The following HNMT variants were observed in gnomAD, a reference collection of about 807,000 sequenced individuals.
HNMT encodes the protein histamine N-methyltransferase.
In HNMT, 30 loss-of-function variants were observed where a neutral mutation model predicts 32.1. The ratio of observed to expected loss-of-function variants is 0.93; its 90% confidence interval spans 0.70 to 1.27. The LOEUF (loss-of-function observed/expected upper bound fraction) is 1.27, where lower values mean the gene tolerates loss of function less well. HNMT is among the 50% of genes most tolerant of loss of function. The probability of loss-of-function intolerance (pLI) is 0.00; values close to 1 mark genes in which losing one functional copy is unlikely to be tolerated. For synonymous variants in HNMT, 125 were observed against 119.0 expected (o/e 1.05, Z -0.33); for missense variants, 327 against 346.0 (o/e 0.95, Z 0.43).
At chr2:137,987,804 G>T (rs141095014) in intron 2 of HNMT, among the ~76,000 whole-genome samples, 29 of 152,170 alleles carry the variant, frequency 1.9e-4, no homozygotes, top group Non-Finnish European at 3.8e-4. Context: ...TCATATAAAT[G>T]AAGAAGAGCA....
chr2:138,009,461 C>G (rs1351271951), intron 5 of HNMT, among the ~76,000 whole-genome samples: 1 of 152,010 alleles, frequency 6.6e-6, no homozygotes, highest in Non-Finnish European at 1.5e-5. Context: ...ATGAACTTGT[C>G]TTAACAACAA....
chr2:137,970,912 T>C (rs1434513942), intron 2 of HNMT, among the ~76,000 whole-genome samples: 3 of 90,910 alleles, frequency 3.3e-5, no homozygotes, highest in Non-Finnish European at 6.0e-5. Flanking sequence ...AGAGCGAGAC[T>C]ACGTCTCAAA....
intron 2 of HNMT, among the ~76,000 whole-genome samples, chr2:137,997,078 C>T (rs984081342): frequency 1.3e-5 from 2 of 151,966 alleles, no homozygotes; most frequent in Non-Finnish European, 2.9e-5. Flanking sequence ...CCCTAGAAGA[C>T]AACCTAGGCA....
At chr2:137,981,241 G>T in intron 2 of HNMT, 2 of 1,613,432 alleles carry the variant, frequency 1.2e-6, no homozygotes, top group Non-Finnish European at 1.7e-6. Context: ...GAAGCTCCAG[G>T]GTTCTCAAGC....
rs1242716972 is a variant in HNMT at position 138,013,892 on chromosome 2, A to C, written c.641A>C (p.Lys214Thr). The stretch of plus-strand genomic sequence containing the variant: ...CAGATGCTGGACAACCTAGGGCTTA[A>C]GTATGAGTGCTATGACCTTTTGTCC... Reference protein sequence around the residue: ...LTQMLDNLGLKYECYDLLSTM... With the variant: ...LTQMLDNLGLTYECYDLLSTM... The change falls in exon 6 of 6, where the codon AAG becomes ACG. Residue 214 changes from lysine to threonine, a missense_variant. By Grantham distance (78) the Lys-to-Thr change is moderately conservative (BLOSUM62 -1). Coordinates refer to ENST00000280097, the MANE Select transcript of HNMT (RefSeq NM_006895.3). The C allele has an allele frequency of 6.2e-7, 1 of 1,613,818 alleles. No homozygotes were observed. Among genetic ancestry groups the C allele is most frequent in the Admixed American group, 1.7e-5 (1 of 59,954 alleles).
intron 1 of HNMT, among the ~76,000 whole-genome samples, chr2:137,964,869 A>G (rs767519738): frequency 6.6e-6 from 1 of 152,158 alleles, no homozygotes; most frequent in Non-Finnish European, 1.5e-5. Flanking sequence ...CTGCATAGAG[A>G]TAAGCGTTAA....
chr2:137,984,873 G>T (rs932063816), intron 2 of HNMT, among the ~76,000 whole-genome samples: 1 of 152,080 alleles, frequency 6.6e-6, no homozygotes, highest in Admixed American at 6.5e-5. Context: ...ATGAGTTCAG[G>T]AGAGATTTAA....
intron 2 of HNMT, among the ~76,000 whole-genome samples, chr2:137,986,412 G>C (rs1448923789): frequency 6.6e-6 from 1 of 152,150 alleles, no homozygotes; most frequent in Non-Finnish European, 1.5e-5. Context: ...AGGCCTGAAG[G>C]CTTGAGACTC....
At chr2:138,011,479 C>A (rs1681502354) in intron 5 of HNMT, among the ~76,000 whole-genome samples, 1 of 152,094 alleles carries the variant, frequency 6.6e-6, no homozygotes, top group South Asian at 2.1e-4. Context: ...CATCAATTAT[C>A]CTAGGCTATT....
intron 2 of HNMT, among the ~76,000 whole-genome samples, chr2:137,987,843 T>C (rs1490589576): frequency 6.6e-6 from 1 of 152,084 alleles, no homozygotes; most frequent in Non-Finnish European, 1.5e-5. Flanking sequence ...GACAAGTGTG[T>C]TTTATCTGTG....
At chr2:137,985,626 AT>A (rs1680630745) in intron 2 of HNMT, among the ~76,000 whole-genome samples, 2 of 152,120 alleles carry the variant, frequency 1.3e-5, no homozygotes, top group African/African-American at 4.8e-5. Context: ...ACTTATCCAT[AT>A]TTTTTAAGCA....
At chr2:137,998,821 A>T (rs1681073582) in intron 2 of HNMT, among the ~76,000 whole-genome samples, 2 of 152,192 alleles carry the variant, frequency 1.3e-5, no homozygotes, top group African/African-American at 4.8e-5. Context: ...CTTTTTCAAA[A>T]TGTCGAATTT....
chr2:137,989,023 A>G (rs1027583342), intron 2 of HNMT, among the ~76,000 whole-genome samples: 1 of 152,072 alleles, frequency 6.6e-6, no homozygotes, highest in African/African-American at 2.4e-5. Context: ...TCTCCCCATT[A>G]TATATATATT....
intron 2 of HNMT, among the ~76,000 whole-genome samples, chr2:137,993,771 G>T (rs1680898359): frequency 1.3e-5 from 2 of 152,076 alleles, no homozygotes; most frequent in African/African-American, 4.8e-5. Flanking sequence ...GGCAGCCAAA[G>T]AGAAAAGCCA....
At chr2:137,993,561 AAGAAGG>A (rs1340089601) in intron 2 of HNMT, among the ~76,000 whole-genome samples, 1 of 152,152 alleles carries the variant, frequency 6.6e-6, no homozygotes, top group African/African-American at 2.4e-5. Context: ...ATTGGAGTCC[AAGAAGG>A]AGATGGAGAG....
intron 2 of HNMT, among the ~76,000 whole-genome samples, chr2:137,994,012 T>G (rs1680906352): frequency 6.6e-6 from 1 of 152,116 alleles, no homozygotes; most frequent in South Asian, 2.1e-4. Flanking sequence ...CAAGAGCTCC[T>G]GAAGGAAGCA....
intron 2 of HNMT, among the ~76,000 whole-genome samples, chr2:137,993,201 A>C (rs1680878505): frequency 6.6e-6 from 1 of 152,214 alleles, no homozygotes; most frequent in Admixed American, 6.5e-5. Flanking sequence ...AGGGAGGATC[A>C]GATGGACAAA....
chr2:137,967,425 A>C, intron 1 of HNMT: 2 of 308,976 alleles, frequency 6.5e-6, no homozygotes, highest in Non-Finnish European at 5.9e-6. Flanking sequence ...AAATAAATCA[A>C]ATGCTACTCA....
intron 1 of HNMT, among the ~76,000 whole-genome samples, chr2:137,964,974 C>T (rs1470732704): frequency 2.6e-5 from 4 of 152,080 alleles, no homozygotes; most frequent in Non-Finnish European, 5.9e-5. Flanking sequence ...TTTTACATCC[C>T]AAAAAAGTCC....
Sources: gnomAD v4.1 joint callset for allele counts (sites outside exome capture counted in the v4.1 genomes callset) on GRCh38, gnomAD v4.1.1 for gene constraint, MANE v1.5 for transcripts, NCBI Gene and HGNC (gene_info 2026-07-23, HGNC 2026-07-21) for gene names.